The following RAB5C variants were observed in gnomAD, a reference collection of about 807,000 sequenced individuals.
RAB5C encodes the protein ras-related protein Rab-5C.
Under a neutral mutation model 25.2 loss-of-function variants are expected in RAB5C, and 4 were observed. That is an observed-to-expected ratio of 0.16 (90% CI 0.08 to 0.36). The LOEUF is 0.36. RAB5C is among the 10% of genes least tolerant of loss of function. The probability of loss-of-function intolerance (pLI) is 1.00; values close to 1 mark genes in which losing one functional copy is unlikely to be tolerated. For synonymous variants in RAB5C, 100 were observed against 106.4 expected (o/e 0.94, Z 0.37); for missense variants, 199 against 283.8 (o/e 0.70, Z 2.15).
At chr17:42,149,253 G>C (rs1262102579) in intron 1 of RAB5C, among the ~76,000 whole-genome samples, 1 of 152,122 alleles carries the variant, frequency 6.6e-6, no homozygotes, top group African/African-American at 2.4e-5. Flanking sequence ...CCAGAAATCT[G>C]GGAGTTGAAC....
intron 4 of RAB5C, 121 bp downstream of exon 4, chr17:42,128,140 G>A: frequency 7.2e-7 from 1 of 1,393,050 alleles, no homozygotes; most frequent in Non-Finnish European, 9.7e-7. Flanking sequence ...CGAGAGGACA[G>A]CAGATGGAAG....
At chr17:42,132,651 C>T (rs2054497489) in intron 1 of RAB5C, among the ~76,000 whole-genome samples, 1 of 152,042 alleles carries the variant, frequency 6.6e-6, no homozygotes, top group Admixed American at 6.6e-5. Flanking sequence ...CAGCCTCCAG[C>T]AGGTATACAC....
Position 42,125,826 on chromosome 17 carries a change from T to C in RAB5C, c.608A>G (p.Gln203Arg), listed in dbSNP as rs1555668647. Reference sequence around the variant, plus strand: ...GCTCCGGCTGGCTGGGTTGTTCTCCTGGAGGTCCACACCTCGGTTTCGGCC... The same window carrying C: ...GCTCCGGCTGGCTGGGTTGTTCTCCCGGAGGTCCACACCTCGGTTTCGGCC... ...APGRNRGVDLQENNPASRSQC... is the reference protein window; with the variant it reads ...APGRNRGVDLRENNPASRSQC... The change falls in exon 6 of 6, where the codon CAG becomes CGG. Residue 203 changes from glutamine (Q) to arginine (R), a missense_variant. Physicochemically the swap from Gln to Arg is conservative, Grantham distance 43. Coordinates refer to ENST00000346213, the MANE Select transcript of RAB5C (RefSeq NM_004583.4). 4 of 1,611,130 alleles carry C rather than the reference T, an allele frequency of 2.5e-6. No homozygotes were observed. In the South Asian group the frequency reaches 3.3e-5, roughly 13 times the overall value.
intron 1 of RAB5C, among the ~76,000 whole-genome samples, chr17:42,153,719 A>G (rs947727818): frequency 2.1e-4 from 32 of 152,228 alleles, no homozygotes; most frequent in African/African-American, 7.2e-4. Flanking sequence ...CTTTGGCCAC[A>G]TAACAAAGCT....
In RAB5C at chr17:42,125,894, C is replaced by A. The variant is rs1373256574; in HGVS notation, c.540G>T (p.Lys180Asn). ...NVNEIFMAIA[K>N]KLPKNEPQNA... ...TCTGGGGCTCGTTCTTGGGAAGCTT[C>A]TTAGCTGTTTGGGAGGGGGAAAAGT... is the stretch of plus-strand genomic sequence containing the variant. Residue 180 changes from lysine (K) to asparagine (N), a missense_variant, in exon 6 of 6, where the codon AAG (lysine) becomes AAT (asparagine). Lys to Asn is a moderately conservative substitution (Grantham distance 94). Around this residue, in one of 3 missense-constraint regions of RAB5C, gnomAD observed 154 missense variants for 199.6 expected, o/e 0.77. Coordinates refer to ENST00000346213, the MANE Select transcript of RAB5C (RefSeq NM_004583.4). The A allele has an allele frequency of 1.2e-6, 2 of 1,607,612 alleles. No homozygotes were observed. The highest frequency in any genetic ancestry group is 2.7e-5 in the African/African-American group (2 of 74,964).
chr17:42,128,523 G>C, intron 3 of RAB5C, 126 bp downstream of exon 3: 1 of 1,321,212 alleles, frequency 7.6e-7, no homozygotes, highest in Non-Finnish European at 1.0e-6. Flanking sequence ...TCCCCAAACA[G>C]GAAATCTGCC....
At position 42,140,483 on chromosome 17, in the gene RAB5C, G is replaced by A. The variant is rs1308666421; in HGVS notation, c.-88-9893C>T. 8.0e-4 allele frequency among the ~76,000 whole-genome samples: 55 copies of A among 68,798 alleles called. No homozygotes were observed. The East Asian group carries it at 0.019, about 23-fold the overall frequency. 45.1% of individuals were successfully genotyped at this position (68,798 alleles called of 152,430 possible). ...CTGGGCACCAAAGAACAATATTTTA[G>A]AATATATATATATATATATATATAT... On this transcript the variant is annotated intron_variant, in intron 1 of 5. Transcript: ENST00000346213.
At chr17:42,135,790 G>A (rs941056811) in intron 1 of RAB5C, among the ~76,000 whole-genome samples, 13 of 152,190 alleles carry the variant, frequency 8.5e-5, no homozygotes, top group Non-Finnish European at 1.6e-4. Context: ...GTAAAAGGGT[G>A]AGCAATTCCA....
rs1568018538 is a variant in RAB5C, at chr17:42,128,796, G to A, written c.171C>T (p.Ala57=). 1.3e-6 allele frequency: 2 copies of A among 1,513,922 alleles called. No individual in the cohort carries two copies. Among genetic ancestry groups the A allele is most frequent in the South Asian group, 1.3e-5 (1 of 74,140 alleles). 93.8% of individuals were successfully genotyped at this position (1,513,922 alleles called of 1,614,324 possible). ...CCAGGCAGACAGTCTGTGTGAGGAAGGCCGCTGTAAGAGAGAAGGAGCGTC... is the reference window on the plus strand; with the variant it reads ...CCAGGCAGACAGTCTGTGTGAGGAAAGCCGCTGTAAGAGAGAAGGAGCGTC... ...HEYQESTIGA[A]FLTQTVCLDD... is the part of the protein sequence containing the mutation. Residue 57 remains alanine, a synonymous_variant, in exon 3 of 6, where the codon GCC becomes GCT. Transcript: ENST00000346213.
intron 1 of RAB5C, among the ~76,000 whole-genome samples, chr17:42,131,991 C>T (rs1481386186): frequency 6.6e-6 from 1 of 152,106 alleles, no homozygotes; most frequent in African/African-American, 2.4e-5. Flanking sequence ...TTAGGCTGCC[C>T]TTTGCATAAT....
intron 1 of RAB5C, among the ~76,000 whole-genome samples, chr17:42,153,146 T>C (rs1251357723): frequency 6.6e-6 from 1 of 152,192 alleles, no homozygotes; most frequent in Admixed American, 6.5e-5. Flanking sequence ...CCGGGCACGG[T>C]GGTTCACACC....
intron 1 of RAB5C, among the ~76,000 whole-genome samples, chr17:42,145,346 C>CCT (rs1451835137): frequency 2.6e-5 from 4 of 152,150 alleles, no homozygotes; most frequent in Non-Finnish European, 5.9e-5. Flanking sequence ...TACAGAGAAG[C>CCT]CTCACACACA....
chr17:42,127,505 G>A (rs996481046), intron 4 of RAB5C, among the ~76,000 whole-genome samples: 1 of 151,922 alleles, frequency 6.6e-6, no homozygotes, highest in Non-Finnish European at 1.5e-5. Flanking sequence ...AGAGACAGGT[G>A]ACGGGCAATT....
intron 3 of RAB5C, 103 bp from the exon 4 acceptor site, chr17:42,128,486 T>C (rs965610337): frequency 7.7e-5 from 114 of 1,477,014 alleles, no homozygotes; most frequent in Non-Finnish European, 9.7e-5. Context: ...ATCTAAGACA[T>C]TGCCACCTAA....
intron 4 of RAB5C, among the ~76,000 whole-genome samples, chr17:42,127,458 T>C (rs778979174): frequency 1.3e-5 from 2 of 151,986 alleles, no homozygotes; most frequent in Non-Finnish European, 2.9e-5. Context: ...GATCCATATA[T>C]ACACATACCC....
At chr17:42,142,983 C>T (rs2079611645) in intron 1 of RAB5C, among the ~76,000 whole-genome samples, 1 of 152,194 alleles carries the variant, frequency 6.6e-6, no homozygotes, top group South Asian at 2.1e-4. Context: ...TATACACATG[C>T]CTCATCTTCC....
At chr17:42,140,507 ATATATATATTTTTTTTT>A (rs1164258282) in intron 1 of RAB5C, among the ~76,000 whole-genome samples, 453 of 40,668 alleles carry the variant, frequency 0.011, 1 homozygote, top group African/African-American at 0.085. Context: ...ATATATATAT[ATATATATATTTTTTTTT>A]TTTTTTTTTT....
At chr17:42,152,995 C>T (rs569217790) in intron 1 of RAB5C, among the ~76,000 whole-genome samples, 9 of 152,298 alleles carry the variant, frequency 5.9e-5, no homozygotes, top group African/African-American at 1.7e-4. Flanking sequence ...CCAGGCTGAC[C>T]AGATCAGAGA....
At position 42,126,837 on chromosome 17, in the gene RAB5C, G is replaced by GAACA; in HGVS notation, c.452_453insTGTT (p.Tyr152ValfsTer30). On this transcript the variant is annotated frameshift_variant, in exon 5 of 6. Coordinates refer to ENST00000346213, the MANE Select transcript of RAB5C (RefSeq NM_004583.4). LOFTEE classifies it high-confidence loss of function. ...ACAGCAAACTGTTGTCGTCTGCATAGGCTTGTGCTTCCTGGTTTGGATGGA... is the reference window on the plus strand; with the variant it reads ...ACAGCAAACTGTTGTCGTCTGCATAGAACAGCTTGTGCTTCCTGGTTTGGATGGA... The GAACA allele has an allele frequency of 6.2e-7, 1 of 1,610,796 alleles. No individual in the cohort carries two copies. The highest frequency in any genetic ancestry group is 8.5e-7 in the Non-Finnish European group (1 of 1,177,438).
Sources: allele counts gnomAD v4.1 joint callset (sites outside exome capture counted in the v4.1 genomes callset), GRCh38; gene constraint gnomAD v4.1.1; regional missense constraint gnomAD v4.1.1; transcripts MANE v1.5; gene names NCBI Gene and HGNC (gene_info 2026-07-23, HGNC 2026-07-21).